The following FAM184B variants were observed in gnomAD, a reference collection of about 807,000 sequenced individuals.
FAM184B encodes family with sequence similarity 184 member B, also known as protein FAM184B.
In FAM184B, 111 loss-of-function variants were observed where a neutral mutation model predicts 135.9. The observed-to-expected ratio is 0.82, with a 90% confidence interval of 0.70 to 0.96. The LOEUF is 0.96. Among genes scored for constraint, FAM184B ranks in the 40% least tolerant of loss-of-function variants. The pLI, the probability that FAM184B is intolerant of heterozygous loss-of-function variation, is 0.00. For missense variants in FAM184B, 1,375 were observed against 1,323.9 expected, an observed-to-expected ratio of 1.04 and a Z score of -0.60; for synonymous variants, 552 against 524.8, an observed-to-expected ratio of 1.05 and a Z score of -0.71.
Position 17,756,128 on chromosome 4 carries a change from T to TG in FAM184B, c.141+25030dup, listed in dbSNP as rs554535243. On this transcript the variant is annotated intron_variant, in intron 1 of 17. Coordinates refer to ENST00000265018, the MANE Select transcript of FAM184B (RefSeq NM_015688.2). The stretch of plus-strand genomic sequence containing the variant: ...CAATGAACACCTTCAGTGTATAAAT[T>TG]GGGGGTCTCTAAATACCATTTCCTA... Among the ~76,000 whole-genome samples, 32 of 152,174 alleles carry TG rather than the reference T, an allele frequency of 2.1e-4. No homozygotes were observed. The South Asian group carries it at 3.9e-3, about 19-fold the overall frequency.
chr4:17,694,471 C>T (rs548293847), intron 5 of FAM184B, among the ~76,000 whole-genome samples: 5 of 150,240 alleles, frequency 3.3e-5, no homozygotes, highest in Admixed American at 1.3e-4. Flanking sequence ...TGTAGTGAGC[C>T]GAGATGGTGC....
chr4:17,710,591 T>C (rs2108967181), intron 1 of FAM184B, among the ~76,000 whole-genome samples: 1 of 152,278 alleles, frequency 6.6e-6, no homozygotes, highest in Admixed American at 6.5e-5. Context: ...GTTAACACCA[T>C]ACTCAGTGAT....
At chr4:17,745,218 T>C (rs1718133391) in intron 1 of FAM184B, among the ~76,000 whole-genome samples, 1 of 152,224 alleles carries the variant, frequency 6.6e-6, no homozygotes, top group African/African-American at 2.4e-5. Context: ...GACTAGATTT[T>C]AGTCCTTGCT....
At chr4:17,744,976 G>A (rs1718128995) in intron 1 of FAM184B, among the ~76,000 whole-genome samples, 1 of 152,122 alleles carries the variant, frequency 6.6e-6, no homozygotes, top group Admixed American at 6.5e-5. Flanking sequence ...AGAGCCACTG[G>A]GACCTCTTCA....
intron 15 of FAM184B, 124 bp downstream of exon 15, chr4:17,636,404 G>A (rs1715138070): frequency 2.5e-6 from 2 of 787,032 alleles, no homozygotes; most frequent in Non-Finnish European, 4.1e-6. Flanking sequence ...CGCACGGCAA[G>A]AAAGGATTCT....
intron 8 of FAM184B, among the ~76,000 whole-genome samples, chr4:17,663,932 T>C (rs976759802): frequency 6.6e-6 from 1 of 151,630 alleles, no homozygotes; most frequent in East Asian, 1.9e-4. Context: ...CCTGCCGCCA[T>C]GTAAGATATG....
chr4:17,681,674 C>T (rs773856863), intron 7 of FAM184B, among the ~76,000 whole-genome samples: 1 of 152,162 alleles, frequency 6.6e-6, no homozygotes, highest in East Asian at 1.9e-4. Context: ...GCAAACCACT[C>T]AGGGCCTCCA....
At chr4:17,652,155 T>TTTTTC (rs1560168173) in intron 11 of FAM184B, among the ~76,000 whole-genome samples, 10 of 137,732 alleles carry the variant, frequency 7.3e-5, no homozygotes, top group Admixed American at 3.0e-4. Flanking sequence ...TTTTGAGTCT[T>TTTTTC]GCACTGTCGC....
chr4:17,635,645 G>A (rs1405959690), intron 15 of FAM184B, among the ~76,000 whole-genome samples: 1 of 148,730 alleles, frequency 6.7e-6, no homozygotes, highest in Non-Finnish European at 1.5e-5. Context: ...AAAAACATCA[G>A]TATGTATTTC....
At chr4:17,646,497 A>T (rs11727883) in intron 12 of FAM184B, among the ~76,000 whole-genome samples, 9 of 151,628 alleles carry the variant, frequency 5.9e-5, no homozygotes, top group East Asian at 1.9e-4. Context: ...ACCAAACACC[A>T]CATGTTCTCA....
At position 17,639,700 on chromosome 4, in the gene FAM184B, T is replaced by A. The variant is rs574355371; in HGVS notation, c.2520-304A>T. On this transcript the variant is annotated intron_variant, in intron 13 of 17. Transcript: ENST00000265018. ...TGCAGGGGAGCCCCAGAAAACACAC[T>A]CTTCACTTGGGACAGGCGGGGAGGC... Among the ~76,000 whole-genome samples the A allele has an allele frequency of 5.9e-5, 9 of 152,132 alleles. No individual in the cohort carries two copies. In the South Asian group the frequency reaches 1.5e-3, roughly 25 times the overall value.
At chr4:17,641,627 C>T (rs1715315439) in intron 13 of FAM184B, among the ~76,000 whole-genome samples, 1 of 143,240 alleles carries the variant, frequency 7.0e-6, no homozygotes, top group South Asian at 2.2e-4. Context: ...TACAGGCACA[C>T]ACCACCACGC....
intron 1 of FAM184B, among the ~76,000 whole-genome samples, chr4:17,730,542 G>A (rs1208062682): frequency 6.6e-6 from 1 of 152,218 alleles, no homozygotes; most frequent in Non-Finnish European, 1.5e-5. Flanking sequence ...ACAAAGGGAA[G>A]CCCATCAGAC....
intron 14 of FAM184B, among the ~76,000 whole-genome samples, chr4:17,637,615 CTG>C (rs1165383010): frequency 2.6e-5 from 4 of 152,208 alleles, no homozygotes; most frequent in Admixed American, 6.5e-5. Context: ...GCCCGTTAGA[CTG>C]TAACTGGTAA....
chr4:17,642,619 A>T (rs1715354363), intron 12 of FAM184B, among the ~76,000 whole-genome samples: 1 of 152,140 alleles, frequency 6.6e-6, no homozygotes, highest in Non-Finnish European at 1.5e-5. Flanking sequence ...CTCAGGGGGA[A>T]CTGATAAGCT....
chr4:17,639,809 T>G (rs1715255102), intron 13 of FAM184B, among the ~76,000 whole-genome samples: 1 of 150,250 alleles, frequency 6.7e-6, no homozygotes, highest in Non-Finnish European at 1.5e-5. Flanking sequence ...ACAACTACAC[T>G]GCAGTGGAAA....
At chr4:17,647,063 C>G (rs897067722) in intron 12 of FAM184B, among the ~76,000 whole-genome samples, 1 of 152,192 alleles carries the variant, frequency 6.6e-6, no homozygotes, top group Non-Finnish European at 1.5e-5. Flanking sequence ...GAGGGCCTAT[C>G]TAGCACCAAC....
chr4:17,774,853 C>T (rs1220951484), intron 1 of FAM184B, among the ~76,000 whole-genome samples: 1 of 152,158 alleles, frequency 6.6e-6, no homozygotes, highest in Non-Finnish European at 1.5e-5. Flanking sequence ...CCCATTTTGT[C>T]TCATGTATCT....
In FAM184B at chr4:17,656,355, C is replaced by A. The variant is rs973206251; in HGVS notation, c.2037+1995G>T. The stretch of plus-strand genomic sequence containing the variant: ...AGGAAACTGACATCTTTTTTGAATA[C>A]CTAGTAAGTGCCCGGCAGTCCATGT... On this transcript the variant is annotated intron_variant, in intron 10 of 17. Transcript: ENST00000265018. Among the ~76,000 whole-genome samples the A allele has an allele frequency of 2.6e-5, 4 of 152,120 alleles. No individual in the cohort carries two copies. In the East Asian group the frequency reaches 7.7e-4, roughly 29 times the overall value.
Sources: gnomAD v4.1 joint callset for allele counts (sites outside exome capture counted in the v4.1 genomes callset) on GRCh38, gnomAD v4.1.1 for gene constraint, MANE v1.5 for transcripts, NCBI Gene and HGNC (gene_info 2026-07-23, HGNC 2026-07-21) for gene names.